ZC3H11A: variants seen among roughly 807,000 people sequenced by gnomAD.
The protein encoded by ZC3H11A is zinc finger CCCH domain-containing protein 11A.
ZC3H11A carries 22 observed loss-of-function variants against 90.8 expected under a neutral mutation model. The observed-to-expected ratio is 0.24, with a 90% CI of 0.17 to 0.35. The LOEUF is 0.35. Among genes scored for constraint, ZC3H11A ranks in the 10% least tolerant of loss-of-function variants. The pLI, the probability that ZC3H11A is intolerant of heterozygous loss-of-function variation, is 1.00. For missense variants in ZC3H11A, 701 were observed against 964.9 expected (o/e 0.73, Z 3.62); for synonymous variants, 294 against 339.8 (o/e 0.87, Z 1.48).
At chr1:203,800,994 T>A (rs1232655800) in intron 1 of ZC3H11A, 2 of 152,270 alleles carry the variant, frequency 1.3e-5, no homozygotes, top group Non-Finnish European at 2.9e-5. Flanking sequence ...CTTTATAATT[T>A]CAAATTGTTG....
rs898960141 is a variant in ZC3H11A, at chr1:203,802,602, TA to T, written c.-559del. 2 of 152,364 alleles carry T rather than the reference TA, an allele frequency of 1.3e-5. No homozygotes were observed. The highest frequency in any genetic ancestry group is 4.8e-5 in the African/African-American group (2 of 41,422). 9.4% of individuals were successfully genotyped at this position (152,364 alleles called of 1,614,324 possible). On this transcript the variant is annotated 5_prime_UTR_variant, in exon 2 of 18. Coordinates refer to ENST00000367210, the MANE Select transcript of ZC3H11A (RefSeq NM_001376342.1). Reference sequence around the variant, plus strand: ...ATCTTGAAGACCAGAAATTGGATCTTACTGAAAAACTGATGTTTTTTTGTTT... The same window carrying T: ...ATCTTGAAGACCAGAAATTGGATCTTCTGAAAAACTGATGTTTTTTTGTTT...
intron 2 of ZC3H11A, chr1:203,805,515 T>G (rs550240379): frequency 1.2e-5 from 6 of 481,016 alleles, no homozygotes; most frequent in Non-Finnish European, 2.1e-5. Context: ...AATTAAACTT[T>G]CCTTCAAAGA....
Position 203,847,045 on chromosome 1 carries a change from G to A in ZC3H11A, c.1043-139G>A, listed in dbSNP as rs750375234. 2.2e-5 allele frequency: 20 copies of A among 892,160 alleles called. No homozygotes were observed. The African/African-American group carries it at 2.9e-4, about 13-fold the overall frequency. The allele number at this position is 892,160 out of a possible 1,614,324, so 55.3% of individuals were successfully genotyped here. A position where few individuals can be genotyped will look rare whatever the true frequency, so the allele number is the denominator to read the frequency against. On this transcript the variant is annotated intron_variant, in intron 12 of 17. Transcript: ENST00000367210. ...AAGAAAAAAAGGAAAAGAAATAAAT[G>A]TTACCCTTTTGATCCTTTTAATTGC... is the stretch of plus-strand genomic sequence containing the variant.
At chr1:203,848,661 G>T (rs1484028393) in intron 14 of ZC3H11A, among the ~76,000 whole-genome samples, 1 of 152,230 alleles carries the variant, frequency 6.6e-6, no homozygotes, top group Non-Finnish European at 1.5e-5. Context: ...GCTGAGGCGG[G>T]CGGATCACGA....
intron 4 of ZC3H11A, among the ~76,000 whole-genome samples, chr1:203,821,915 G>A (rs939188730): frequency 1.3e-4 from 19 of 151,926 alleles, no homozygotes; most frequent in Admixed American, 3.9e-4. Flanking sequence ...CCGCCACCAC[G>A]CCCGGCTAAT....
chr1:203,848,283 G>C, intron 13 of ZC3H11A, 48 bp from the exon 14 acceptor site: 2 of 1,479,210 alleles, frequency 1.4e-6, no homozygotes, highest in Non-Finnish European at 1.9e-6. Flanking sequence ...CTATCATGAA[G>C]TTGCAGCTTA....
intron 12 of ZC3H11A, among the ~76,000 whole-genome samples, chr1:203,845,909 A>T (rs1367767177): frequency 6.6e-6 from 1 of 152,046 alleles, no homozygotes; most frequent in Admixed American, 6.6e-5. Context: ...GAGAAATGAG[A>T]ACAGCACGGA....
chr1:203,805,724 C>T (rs1297003720), intron 2 of ZC3H11A: 3 of 663,318 alleles, frequency 4.5e-6, no homozygotes, highest in Non-Finnish European at 8.7e-6. Flanking sequence ...GATGCTGGCT[C>T]ATCTAAATAG....
chr1:203,797,433 G>A, intron 1 of ZC3H11A: 1 of 1,235,588 alleles, frequency 8.1e-7, no homozygotes, highest in African/African-American at 1.5e-5. Flanking sequence ...TGGAGAAAAG[G>A]TAATGCAAGT....
intron 17 of ZC3H11A, 148 bp downstream of exon 17, chr1:203,851,272 G>T: frequency 2.7e-6 from 2 of 735,838 alleles, no homozygotes; most frequent in Non-Finnish European, 4.3e-6. Flanking sequence ...GAAAATCTAG[G>T]GTTGCTGTTC....
At chr1:203,798,893 A>T (rs778085526) in intron 1 of ZC3H11A, 2 of 1,536,024 alleles carry the variant, frequency 1.3e-6, no homozygotes, top group Non-Finnish European at 1.7e-6. Context: ...CTAAGGCTGT[A>T]CCTCAGTTAT....
intron 12 of ZC3H11A, among the ~76,000 whole-genome samples, chr1:203,846,921 T>C (rs749938855): frequency 2.6e-5 from 4 of 151,768 alleles, no homozygotes; most frequent in Non-Finnish European, 5.9e-5. Context: ...GGAGAATCAC[T>C]TGAACCCTGG....
chr1:203,800,628 G>A (rs2102410571), intron 1 of ZC3H11A: 1 of 594,352 alleles, frequency 1.7e-6, no homozygotes, highest in Non-Finnish European at 2.7e-6. Flanking sequence ...ATAAAATGAA[G>A]ATTAAAGATT....
intron 1 of ZC3H11A, chr1:203,797,850 G>A: frequency 5.2e-6 from 8 of 1,536,122 alleles, no homozygotes; most frequent in Non-Finnish European, 7.0e-6. Context: ...CCCTGAGCAG[G>A]ATGAAGAAAG....
chr1:203,831,687 T>C lies in ZC3H11A; in HGVS notation c.727T>C (p.Leu243=). ...GGGTTCTTCAGGAGTTTCCAGTCTT[T>C]TACTCCACCCTGAGCCCGTTCCAGG... The part of the protein sequence containing the change: ...GEGSSGVSSL[L]LHPEPVPGPE... Residue 243 remains leucine (L), a synonymous_variant, in exon 9 of 18, where the codon TTA becomes CTA. Coordinates refer to ENST00000367210, the MANE Select transcript of ZC3H11A (RefSeq NM_001376342.1). 6.2e-7 allele frequency: 1 copy of C among 1,612,996 alleles called. No homozygotes were observed. Among genetic ancestry groups the C allele is most frequent in the Non-Finnish European group, 8.5e-7 (1 of 1,179,528 alleles).
intron 2 of ZC3H11A, 118 bp downstream of exon 2, chr1:203,803,134 T>C (rs1293299498): frequency 6.6e-6 from 1 of 152,310 alleles, no homozygotes; most frequent in African/African-American, 2.4e-5. Flanking sequence ...TTTTTGCTTG[T>C]ACATAATTGT....
intron 2 of ZC3H11A, chr1:203,805,887 C>G: frequency 2.7e-6 from 2 of 742,140 alleles, no homozygotes; most frequent in South Asian, 1.3e-5. Context: ...CTTGTAAATT[C>G]TCAATCTGGT....
chr1:203,811,475 A>G (rs1438475268), intron 2 of ZC3H11A, among the ~76,000 whole-genome samples: 1 of 152,160 alleles, frequency 6.6e-6, no homozygotes, highest in African/African-American at 2.4e-5. Context: ...TGATTTTGTG[A>G]GTGAGATTGA....
chr1:203,797,266 C>G (rs1035238682), intron 1 of ZC3H11A: 1 of 294,200 alleles, frequency 3.4e-6, no homozygotes, highest in African/African-American at 2.2e-5. Context: ...CATGAGGACA[C>G]TGGACTATTT....
Sources: allele counts gnomAD v4.1 joint callset (sites outside exome capture counted in the v4.1 genomes callset), GRCh38; gene constraint gnomAD v4.1.1; transcripts MANE v1.5; gene names NCBI Gene and HGNC (gene_info 2026-07-23, HGNC 2026-07-21).